The following GTPBP8 variants were observed in gnomAD, a reference collection of about 807,000 sequenced individuals.
GTPBP8 encodes the protein GTP binding protein 8, also known as GTP-binding protein 8.
In GTPBP8, 21 loss-of-function variants were observed where a neutral mutation model predicts 27.3. That is an observed-to-expected ratio of 0.77 (90% CI 0.55 to 1.11). The LOEUF (loss-of-function observed/expected upper bound fraction) is 1.11. Ranked by LOEUF, GTPBP8 falls within the 50% of genes least tolerant of loss-of-function variation. The pLI, the probability that GTPBP8 is intolerant of heterozygous loss-of-function variation, is 0.00. For missense variants in GTPBP8, 380 were observed against 350.8 expected (o/e 1.08, Z -0.67); for synonymous variants, 147 against 135.3 (o/e 1.09, Z -0.60).
Position 113,000,835 on chromosome 3 carries a change from CTT to C in GTPBP8, c.786-12_786-11del, listed in dbSNP as rs751080695. 6.6e-7 allele frequency: 1 copy of C among 1,514,868 alleles called. No homozygotes were observed. Among genetic ancestry groups the C allele is most frequent in the African/African-American group, 1.4e-5 (1 of 71,868 alleles). 93.8% of individuals were successfully genotyped at this position (1,514,868 alleles called of 1,614,324 possible). A position where few individuals can be genotyped will look rare whatever the true frequency, so the allele number is the denominator to read the frequency against. ...TGAGGAAAGGAAGAAAATTATTTCT[CTT>C]TTCTTTTCACAGTGCTGTGACCTTT... On this transcript the variant is annotated splice_polypyrimidine_tract_variant and intron_variant, in intron 5 of 5. Transcript: ENST00000383678.
intron 4 of GTPBP8, among the ~76,000 whole-genome samples, chr3:112,997,977 T>A (rs926713615): frequency 6.6e-6 from 1 of 152,214 alleles, no homozygotes; most frequent in African/African-American, 2.4e-5. Context: ...ATAGAAAAGT[T>A]ATATCTGTAT....
chr3:113,000,666 T>C (rs768195303), intron 5 of GTPBP8, among the ~76,000 whole-genome samples, 184 bp from the exon 6 acceptor site: 3 of 152,124 alleles, frequency 2.0e-5, no homozygotes, highest in Non-Finnish European at 2.9e-5. Context: ...TCAGATAATA[T>C]TGATCATCAG....
At chr3:112,995,011 T>C in intron 2 of GTPBP8, 124 bp from the exon 3 acceptor site, 1 of 653,038 alleles carries the variant, frequency 1.5e-6, no homozygotes, top group Non-Finnish European at 2.7e-6. Context: ...ATCATCAGCA[T>C]AGTTAAGGTT....
At position 113,001,408 on chromosome 3, in the gene GTPBP8, T is replaced by C. The variant is rs1933909356; in HGVS notation, c.*489T>C. ...AGTCCTTATTTGAATATTGAAAACA[T>C]TCTTGATAAAATGTGTTAGTCCATG... is the stretch of plus-strand genomic sequence containing the variant. On this transcript the variant is annotated 3_prime_UTR_variant, in exon 6 of 6. Coordinates refer to ENST00000383678, the MANE Select transcript of GTPBP8 (RefSeq NM_014170.4). The C allele has an allele frequency of 6.6e-6, 1 of 152,308 alleles. No homozygotes were observed. The highest frequency in any genetic ancestry group is 2.1e-4 in the South Asian group (1 of 4,838). 9.4% of individuals were successfully genotyped at this position (152,308 alleles called of 1,614,324 possible). A position where few individuals can be genotyped will look rare whatever the true frequency, so the allele number is the denominator to read the frequency against.
rs1202668830 is a variant in GTPBP8 at position 112,996,947 on chromosome 3, A to C, written c.622A>C (p.Asn208His). 1 of 1,581,196 alleles carries C rather than the reference A, an allele frequency of 6.3e-7. No individual in the cohort carries two copies. The highest frequency in any genetic ancestry group is 1.3e-5 in the African/African-American group (1 of 74,310). The change falls in exon 4 of 6, where the codon AAT (asparagine) becomes CAT (histidine). Residue 208 changes from asparagine to histidine, a missense_variant. By Grantham distance (68) the Asn-to-His change is moderately conservative (BLOSUM62 1). Coordinates refer to ENST00000383678, the MANE Select transcript of GTPBP8 (RefSeq NM_014170.4). Reference sequence around the variant, plus strand: ...CGTTGTTGGAATTCAAAAAACAGACAATATTGCCATAGAAATGTGTGAAGA... The same window carrying C: ...CGTTGTTGGAATTCAAAAAACAGACCATATTGCCATAGAAATGTGTGAAGA... ...DSVVGIQKTD[N>H]IAIEMCEEFA...
chr3:112,996,522 A>G (rs1933790492), intron 3 of GTPBP8, among the ~76,000 whole-genome samples: 1 of 152,220 alleles, frequency 6.6e-6, no homozygotes, highest in South Asian at 2.1e-4. Flanking sequence ...TATGGTTCCT[A>G]TAATTTATAA....
intron 2 of GTPBP8, 126 bp from the exon 3 acceptor site, chr3:112,995,009 C>G (rs1933756660): frequency 1.6e-6 from 1 of 636,936 alleles, no homozygotes; most frequent in African/African-American, 1.8e-5. Context: ...TCATCATCAG[C>G]ATAGTTAAGG....
Position 113,001,516 on chromosome 3 carries a change from T to A in GTPBP8, c.*597T>A, listed in dbSNP as rs931055624. ...TTGGATCTTGGGCAACTTACTTGAT[T>A]TCTCGGAAATTCATTTGTTACTGTA... On this transcript the variant is annotated 3_prime_UTR_variant, in exon 6 of 6. Coordinates refer to ENST00000383678, the MANE Select transcript of GTPBP8 (RefSeq NM_014170.4). The A allele has an allele frequency of 1.3e-5, 2 of 152,220 alleles. No homozygotes were observed. Among genetic ancestry groups the A allele is most frequent in the Non-Finnish European group, 2.9e-5 (2 of 68,038 alleles). The allele number at this position is 152,220 out of a possible 1,614,324, so 9.4% of individuals were successfully genotyped here.
intron 2 of GTPBP8, 29 bp from the exon 3 acceptor site, chr3:112,995,106 A>G: frequency 2.0e-6 from 3 of 1,533,708 alleles, no homozygotes; most frequent in Non-Finnish European, 2.7e-6. Context: ...ATCTTAAGAC[A>G]GCTTTTCTTT....
intron 4 of GTPBP8, among the ~76,000 whole-genome samples, chr3:112,997,421 C>T (rs1245653251): frequency 6.6e-6 from 1 of 152,200 alleles, no homozygotes; most frequent in Non-Finnish European, 1.5e-5. Context: ...GTTCCAGGAA[C>T]ATAGCAGCCT....
intron 5 of GTPBP8, 99 bp from the exon 6 acceptor site, chr3:113,000,751 T>A: frequency 1.4e-6 from 1 of 706,154 alleles, no homozygotes; most frequent in Non-Finnish European, 2.4e-6. Context: ...TCTGCTTTCA[T>A]ATATGAAATC....
At position 112,991,314 on chromosome 3, in the gene GTPBP8, C is replaced by G; in HGVS notation, c.315C>G (p.Ala105=). 1 of 1,613,668 alleles carries G rather than the reference C, an allele frequency of 6.2e-7. No homozygotes were observed. The highest frequency in any genetic ancestry group is 1.3e-5 in the African/African-American group (1 of 75,066). The change falls in exon 1 of 6, where the codon GCC becomes GCG. Residue 105 remains alanine (A), a synonymous_variant. Transcript: ENST00000383678. The stretch of plus-strand genomic sequence containing the variant: ...GCTCCGCCGTCCGTATCGACCACGC[C>G]CCGGACCTTCCGCGGCCAGAGGTGA... ...YVSSAVRIDH[A]PDLPRPEVCF...
chr3:112,999,671 A>G (rs1933855056), intron 5 of GTPBP8, 107 bp downstream of exon 5: 1 of 615,916 alleles, frequency 1.6e-6, no homozygotes, highest in African/African-American at 1.9e-5. Context: ...TTTTGGTTGC[A>G]TGGAAAAGTT....
chr3:112,993,226 G>C (rs917298762), intron 2 of GTPBP8, 102 bp downstream of exon 2: 1 of 652,426 alleles, frequency 1.5e-6, no homozygotes, highest in Admixed American at 2.8e-5. Flanking sequence ...TAAGTTCCTA[G>C]AGAAGTGATT....
intron 1 of GTPBP8, chr3:112,992,029 T>A (rs1180164405): frequency 6.5e-6 from 1 of 154,602 alleles, no homozygotes; most frequent in African/African-American, 2.4e-5. Flanking sequence ...AGTGCACCAT[T>A]GCCCAGAGAT....
chr3:112,994,753 C>G (rs1240253158), intron 2 of GTPBP8, among the ~76,000 whole-genome samples: 1 of 152,114 alleles, frequency 6.6e-6, no homozygotes, highest in Non-Finnish European at 1.5e-5. Flanking sequence ...ATTAGTTTCT[C>G]TTTAAAGTGG....
At chr3:112,999,864 C>T (rs1352627962) in intron 5 of GTPBP8, among the ~76,000 whole-genome samples, 1 of 152,078 alleles carries the variant, frequency 6.6e-6, no homozygotes, top group Non-Finnish European at 1.5e-5. Flanking sequence ...TGAGAACATA[C>T]AGTATTTGGC....
At chr3:112,999,665 G>C (rs1172420520) in intron 5 of GTPBP8, 101 bp downstream of exon 5, 3 of 621,152 alleles carry the variant, frequency 4.8e-6, no homozygotes, top group Non-Finnish European at 8.7e-6. Context: ...ACAGGTTTTT[G>C]GTTGCATGGA....
chr3:112,999,739 A>G (rs1293746308), intron 5 of GTPBP8, among the ~76,000 whole-genome samples, 175 bp downstream of exon 5: 4 of 152,070 alleles, frequency 2.6e-5, no homozygotes, highest in African/African-American at 9.7e-5. Context: ...TGTACACTGT[A>G]CCCTATGTGT....
Sources: allele counts gnomAD v4.1 joint callset (sites outside exome capture counted in the v4.1 genomes callset), GRCh38; gene constraint gnomAD v4.1.1; transcripts MANE v1.5; gene names NCBI Gene and HGNC (gene_info 2026-07-23, HGNC 2026-07-21).